The following CACNA2D3 variants were observed in gnomAD, a reference collection of about 807,000 sequenced individuals.
The protein encoded by CACNA2D3 is calcium voltage-gated channel auxiliary subunit alpha2delta 3, also known as voltage-dependent calcium channel subunit alpha-2/delta-3.
In CACNA2D3, 60 loss-of-function variants were observed where a neutral mutation model predicts 160.6. The ratio of observed to expected loss-of-function variants is 0.37; its 90% CI spans 0.30 to 0.46. CACNA2D3 has a LOEUF of 0.46. CACNA2D3 is among the 20% of genes least tolerant of loss of function. CACNA2D3 has a pLI of 1.00. For synonymous variants in CACNA2D3, 558 were observed against 492.9 expected, an observed-to-expected ratio of 1.13 and a Z score of -1.75; for missense variants, 1,205 against 1,365.0, an observed-to-expected ratio of 0.88 and a Z score of 1.85.
At chr3:55,033,759 A>ATATTTTATATAATATATAT (rs1703737676) in intron 35 of CACNA2D3, among the ~76,000 whole-genome samples, 2 of 129,310 alleles carry the variant, frequency 1.5e-5, no homozygotes, top group Non-Finnish European at 3.2e-5. Context: ...TATATTAAAT[A>ATATTTTATATAATATATAT]TATATTATAT....
chr3:54,644,771 T>C (rs944418805), intron 11 of CACNA2D3, among the ~76,000 whole-genome samples: 1 of 152,234 alleles, frequency 6.6e-6, no homozygotes, highest in African/African-American at 2.4e-5. Flanking sequence ...GGCTGAGAGT[T>C]TGCATTTCTA....
At chr3:54,144,614 A>G (rs1699992859) in intron 2 of CACNA2D3, among the ~76,000 whole-genome samples, 1 of 152,246 alleles carries the variant, frequency 6.6e-6, no homozygotes, top group South Asian at 2.1e-4. Context: ...GATAATCAAC[A>G]TAAGATGCAA....
At chr3:54,906,017 C>T (rs1700441611) in intron 27 of CACNA2D3, among the ~76,000 whole-genome samples, 1 of 152,140 alleles carries the variant, frequency 6.6e-6, no homozygotes, top group Non-Finnish European at 1.5e-5. Context: ...AGGCGATTGT[C>T]AATTGATGAC....
intron 4 of CACNA2D3, among the ~76,000 whole-genome samples, chr3:54,454,458 A>G (rs958899347): frequency 4.6e-5 from 7 of 152,154 alleles, no homozygotes; most frequent in Non-Finnish European, 2.9e-5. Context: ...TATTTCAAAA[A>G]TTATCATTTA....
chr3:54,894,392 G>A (rs76555244), intron 25 of CACNA2D3, among the ~76,000 whole-genome samples: 2,787 of 152,100 alleles, frequency 0.018, 86 homozygotes, highest in African/African-American at 0.063. Flanking sequence ...GCACTGTCCC[G>A]GGCAGCAGGG....
chr3:54,590,289 G>A (rs74498536), intron 9 of CACNA2D3, among the ~76,000 whole-genome samples: 8,076 of 152,164 alleles, frequency 0.053, 417 homozygotes, highest in Admixed American at 0.17. Context: ...TGAATCTTTA[G>A]GGAGTCATGC....
intron 27 of CACNA2D3, among the ~76,000 whole-genome samples, chr3:54,914,066 A>G (rs1461329542): frequency 1.3e-5 from 2 of 152,178 alleles, no homozygotes; most frequent in South Asian, 2.1e-4. Context: ...AATGGTGAGG[A>G]TCGTGTTGTG....
At chr3:54,380,910 T>C (rs1445818406) in intron 3 of CACNA2D3, among the ~76,000 whole-genome samples, 1 of 152,190 alleles carries the variant, frequency 6.6e-6, no homozygotes, top group Non-Finnish European at 1.5e-5. Flanking sequence ...ACTCTGGTAT[T>C]AATGACAATT....
At chr3:54,700,739 A>G (rs554198485) in intron 11 of CACNA2D3, among the ~76,000 whole-genome samples, 11 of 152,314 alleles carry the variant, frequency 7.2e-5, no homozygotes, top group Non-Finnish European at 1.5e-4. Flanking sequence ...ACTTTATCCT[A>G]TGCATTGGGC....
intron 11 of CACNA2D3, among the ~76,000 whole-genome samples, chr3:54,666,937 C>T (rs141449866): frequency 9.8e-5 from 15 of 152,312 alleles, no homozygotes; most frequent in African/African-American, 2.9e-4. Flanking sequence ...AGGTGGATGG[C>T]TGCTGAATTC....
intron 2 of CACNA2D3, among the ~76,000 whole-genome samples, chr3:54,251,926 T>C (rs531890093): frequency 6.6e-6 from 1 of 152,210 alleles, no homozygotes; most frequent in Non-Finnish European, 1.5e-5. Context: ...CCTGGTGTTT[T>C]ACTGTTCCAG....
intron 14 of CACNA2D3, among the ~76,000 whole-genome samples, chr3:54,818,603 T>G (rs1703515891): frequency 6.6e-6 from 1 of 152,236 alleles, no homozygotes; most frequent in African/African-American, 2.4e-5. Flanking sequence ...CATCATATAT[T>G]GACTCACATC....
rs779121088 is a variant in CACNA2D3 at position 55,073,465 on chromosome 3, T to A, written c.3008T>A (p.Ile1003Asn). Residue 1003 changes from isoleucine to asparagine, a missense_variant, in exon 36 of 38, where the codon ATC becomes AAC. Ile to Asn is a moderately radical substitution (Grantham distance 149, BLOSUM62 -3). Transcript: ENST00000474759. ...AACAGGTCCTTTGTCATCCAGCAAA[T>A]CCCAAGCAGCAACCTGTTCATGGTG... is the stretch of plus-strand genomic sequence containing the variant. Reference protein sequence around the residue: ...DCSKSFVIQQIPSSNLFMVVV... With the variant: ...DCSKSFVIQQNPSSNLFMVVV... 1 of 1,613,732 alleles carries A rather than the reference T, an allele frequency of 6.2e-7. No individual in the cohort carries two copies. Among genetic ancestry groups the A allele is most frequent in the African/African-American group, 1.3e-5 (1 of 74,884 alleles).
chr3:54,905,861 G>A (rs550228836), intron 27 of CACNA2D3, among the ~76,000 whole-genome samples: 3 of 152,096 alleles, frequency 2.0e-5, no homozygotes, highest in Non-Finnish European at 4.4e-5. Flanking sequence ...CAAATTCAGT[G>A]TTTTTCCTTA....
At chr3:54,500,498 T>C (rs1701271366) in intron 4 of CACNA2D3, among the ~76,000 whole-genome samples, 1 of 132,538 alleles carries the variant, frequency 7.5e-6, no homozygotes, top group Admixed American at 8.0e-5. Context: ...TCTTCCTTCC[T>C]TCCTATCTTC....
chr3:54,610,655 C>T (rs1698733958), intron 9 of CACNA2D3, among the ~76,000 whole-genome samples: 1 of 151,900 alleles, frequency 6.6e-6, no homozygotes, highest in Non-Finnish European at 1.5e-5. Context: ...TGGAGTTTCA[C>T]TCTCGTCACC....
At chr3:54,552,689 C>T (rs1702178282) in intron 5 of CACNA2D3, among the ~76,000 whole-genome samples, 1 of 152,198 alleles carries the variant, frequency 6.6e-6, no homozygotes, top group Non-Finnish European at 1.5e-5. Flanking sequence ...GTGGCCATCT[C>T]TGCCGCTATC....
intron 10 of CACNA2D3, among the ~76,000 whole-genome samples, chr3:54,629,357 A>G (rs1699185193): frequency 6.6e-6 from 1 of 152,136 alleles, no homozygotes; most frequent in African/African-American, 2.4e-5. Context: ...TTTACTACTC[A>G]GCTATACTGG....
chr3:54,638,678 A>C (rs1699434512), intron 10 of CACNA2D3: 1 of 151,984 alleles, frequency 6.6e-6, no homozygotes, highest in Non-Finnish European at 1.5e-5. Context: ...CACAGAGACT[A>C]GGAAGGGACT....
Sources: allele counts gnomAD v4.1 joint callset (sites outside exome capture counted in the v4.1 genomes callset), GRCh38; gene constraint gnomAD v4.1.1; transcripts MANE v1.5; gene names NCBI Gene and HGNC (gene_info 2026-07-23, HGNC 2026-07-21).